The following RAD23B variants were observed in gnomAD, a reference collection of about 807,000 sequenced individuals.
RAD23B encodes the protein lysine-specific demethylase RAD23B.
A neutral mutation model predicts 49.1 loss-of-function variants in RAD23B; 5 were observed. That is an observed-to-expected ratio of 0.10 (90% confidence interval 0.05 to 0.21). The LOEUF is 0.21. Among genes scored for constraint, RAD23B ranks in the 10% least tolerant of loss-of-function variants. The pLI is 1.00. For missense variants in RAD23B, 356 were observed against 486.7 expected (o/e 0.73, Z 2.53); for synonymous variants, 184 against 165.4 (o/e 1.11, Z -0.86).
At chr9:107,306,077 ATATC>A (rs1319161644) in intron 3 of RAD23B, among the ~76,000 whole-genome samples, 1,190 of 92,968 alleles carry the variant, frequency 0.013, 43 homozygotes, top group African/African-American at 0.051. Flanking sequence ...ATATATCTAT[ATATC>A]TATATATATT....
At chr9:107,310,202 A>G (rs962528146) in intron 4 of RAD23B, among the ~76,000 whole-genome samples, 9 of 152,180 alleles carry the variant, frequency 5.9e-5, no homozygotes, top group African/African-American at 2.2e-4. Context: ...ATGACCCCTC[A>G]TACTGTACAC....
At chr9:107,299,690 A>T (rs2133073112) in intron 1 of RAD23B, among the ~76,000 whole-genome samples, 1 of 152,352 alleles carries the variant, frequency 6.6e-6, no homozygotes, top group Non-Finnish European at 1.5e-5. Flanking sequence ...GATTGTAATG[A>T]AACATAACAC....
intron 4 of RAD23B, among the ~76,000 whole-genome samples, chr9:107,308,787 A>G (rs1826833390): frequency 6.6e-6 from 1 of 152,230 alleles, no homozygotes; most frequent in African/African-American, 2.4e-5. Context: ...AGCTGCTTAA[A>G]TGTGTCTTAG....
intron 5 of RAD23B, among the ~76,000 whole-genome samples, chr9:107,313,167 C>A (rs1315067012): frequency 6.6e-6 from 1 of 152,070 alleles, no homozygotes; most frequent in Non-Finnish European, 1.5e-5. Context: ...TCAGGCTCTT[C>A]CTTCTCAAGC....
At chr9:107,283,743 G>T (rs922272798) in intron 1 of RAD23B, 48 bp downstream of exon 1, 4 of 1,361,886 alleles carry the variant, frequency 2.9e-6, no homozygotes, top group South Asian at 1.7e-5. Context: ...GGGCCGCGGG[G>T]AGCGCCAGGA....
chr9:107,300,051 A>G (rs1035416446), intron 1 of RAD23B, 90 bp from the exon 2 acceptor site: 4 of 1,443,518 alleles, frequency 2.8e-6, no homozygotes, highest in Admixed American at 2.5e-5. Flanking sequence ...AATTATGTAT[A>G]TAATTTTTGT....
rs1235695568 is a variant in RAD23B at position 107,318,673 on chromosome 9, T to C, written c.554-79T>C. ...CAGCATAGTAGTTCCTGAAATGTTGTATACATGAATCAATAAATGTATAGA... is the reference window on the plus strand; with the variant it reads ...CAGCATAGTAGTTCCTGAAATGTTGCATACATGAATCAATAAATGTATAGA... On this transcript the variant is annotated intron_variant, in intron 5 of 9. Transcript: ENST00000358015. This position sits in a 1 kb window ranked among gnomAD's most constrained non-coding sequence, Gnocchi z 4.3. 14 of 1,423,178 alleles carry C rather than the reference T, an allele frequency of 9.8e-6. No individual in the cohort carries two copies. Among genetic ancestry groups the C allele is most frequent in the African/African-American group, 1.4e-5 (1 of 70,210 alleles). The allele number at this position is 1,423,178 out of a possible 1,614,324, so 88.2% of individuals were successfully genotyped here.
At chr9:107,326,627 CTTTTTTT>C (rs796381629) in intron 9 of RAD23B, among the ~76,000 whole-genome samples, 6 of 67,568 alleles carry the variant, frequency 8.9e-5, no homozygotes, top group Middle Eastern at 0.022. Flanking sequence ...TTTTGTATTT[CTTTTTTT>C]TTTTTTTTTT....
intron 5 of RAD23B, among the ~76,000 whole-genome samples, chr9:107,313,903 C>G (rs374005072): frequency 1.3e-5 from 2 of 151,862 alleles, no homozygotes; most frequent in East Asian, 1.9e-4. Context: ...TCTCCTTTCT[C>G]CTTTCCTTTC....
At chr9:107,314,535 G>T (rs1412352307) in intron 5 of RAD23B, among the ~76,000 whole-genome samples, 1 of 152,082 alleles carries the variant, frequency 6.6e-6, no homozygotes, top group Non-Finnish European at 1.5e-5. Flanking sequence ...TTTTTGATGG[G>T]TGAGTATTAT....
chr9:107,302,322 T>C (rs1419041688), intron 3 of RAD23B, among the ~76,000 whole-genome samples: 1 of 152,294 alleles, frequency 6.6e-6, no homozygotes, highest in East Asian at 1.9e-4. Flanking sequence ...AATATAGTTT[T>C]AATAAAATTT....
chr9:107,322,452 T>C (rs1241717980), intron 7 of RAD23B, among the ~76,000 whole-genome samples: 2 of 152,248 alleles, frequency 1.3e-5, no homozygotes, highest in East Asian at 3.8e-4. Flanking sequence ...TCTTACTCTC[T>C]CCATAAATGT....
At chr9:107,294,234 T>G (rs11573637) in intron 1 of RAD23B, among the ~76,000 whole-genome samples, 2 of 152,218 alleles carry the variant, frequency 1.3e-5, no homozygotes, top group African/African-American at 4.8e-5. Flanking sequence ...ACGTTTTTAT[T>G]TTTAAATGCA....
intron 1 of RAD23B, among the ~76,000 whole-genome samples, chr9:107,298,109 G>A (rs1158020702): frequency 1.3e-5 from 2 of 152,186 alleles, no homozygotes; most frequent in South Asian, 2.1e-4. Context: ...GTATCCTTTT[G>A]TCCCTCTACA....
At chr9:107,308,731 A>C (rs1826832595) in intron 4 of RAD23B, among the ~76,000 whole-genome samples, 1 of 152,250 alleles carries the variant, frequency 6.6e-6, no homozygotes, top group South Asian at 2.1e-4. Context: ...ATTTTACCTC[A>C]GAAATACAAC....
chr9:107,309,930 C>CAAAAAAAAAAAA (rs34745859), intron 4 of RAD23B, among the ~76,000 whole-genome samples: 1 of 75,452 alleles, frequency 1.3e-5, no homozygotes, highest in Non-Finnish European at 2.8e-5. Flanking sequence ...GACTCCATCT[C>CAAAAAAAAAAAA]AAAAAAAAAA....
At chr9:107,313,136 A>C (rs546772417) in intron 5 of RAD23B, among the ~76,000 whole-genome samples, 1 of 150,524 alleles carries the variant, frequency 6.6e-6, no homozygotes, top group African/African-American at 2.4e-5. Flanking sequence ...CTGTGACACC[A>C]CTCTTTTCCT....
chr9:107,324,788 C>T, intron 8 of RAD23B, 46 bp from the exon 9 acceptor site: 1 of 1,493,862 alleles, frequency 6.7e-7, no homozygotes, highest in South Asian at 1.3e-5. Flanking sequence ...CCTGCAGATA[C>T]TTAATATCAG....
intron 5 of RAD23B, among the ~76,000 whole-genome samples, chr9:107,312,016 T>A (rs937827672): frequency 6.6e-6 from 1 of 152,236 alleles, no homozygotes; most frequent in African/African-American, 2.4e-5. Flanking sequence ...CTAACATGGT[T>A]GATCTGTGTA....
Sources: gnomAD v4.1 joint callset for allele counts (sites outside exome capture counted in the v4.1 genomes callset) on GRCh38, gnomAD v4.1.1 for gene constraint, Gnocchi (gnomAD v3.1) non-coding constraint, MANE v1.5 for transcripts, NCBI Gene and HGNC (gene_info 2026-07-23, HGNC 2026-07-21) for gene names.